The following ABCC6 variants were observed in gnomAD, a reference collection of about 807,000 sequenced individuals.
ABCC6 encodes the protein ATP-binding cassette sub-family C member 6.
A neutral mutation model predicts 169.5 loss-of-function variants in ABCC6; 126 were observed. The observed-to-expected ratio is 0.74, with a 90% CI of 0.64 to 0.86. ABCC6 has a LOEUF of 0.86. Among genes scored for constraint, ABCC6 ranks in the 40% least tolerant of loss-of-function variants. ABCC6 has a pLI of 0.00. For synonymous variants in ABCC6, 752 were observed against 814.7 expected (o/e 0.92, Z 1.31); for missense variants, 1,733 against 1,927.2 (o/e 0.90, Z 1.89).
At position 16,179,180 on chromosome 16, in the gene ABCC6, C is replaced by T. The variant is rs79841284; in HGVS notation, c.2248-215G>A. Among the ~76,000 whole-genome samples the T allele has an allele frequency of 7.2e-3, 1,093 of 152,274 alleles. 14 individuals are homozygous for T. Among genetic ancestry groups the T allele is most frequent in the African/African-American group, 0.025 (1,040 of 41,548 alleles). The stretch of plus-strand genomic sequence containing the variant: ...ACCTCACTTCTCCACTTCCCAAGCA[C>T]GCTTCCTGGAGGAGTTACCTACACT... On this transcript the variant is annotated intron_variant, in intron 17 of 30. Coordinates refer to ENST00000205557, the MANE Select transcript of ABCC6 (RefSeq NM_001171.6).
In ABCC6 at chr16:16,164,824, A is replaced by G. The variant is rs75312463; in HGVS notation, c.3306+799T>C. ...CTTTGCTAACTAGTCCCCAGGTGAT[A>G]CTACTGCTGGTCCTGGGGTCACACT... On this transcript the variant is annotated intron_variant, in intron 23 of 30. Coordinates refer to ENST00000205557, the MANE Select transcript of ABCC6 (RefSeq NM_001171.6). Among the ~76,000 whole-genome samples the G allele has an allele frequency of 3.7e-3, 570 of 152,330 alleles. 12 individuals carry two copies. Among genetic ancestry groups the G allele is most frequent in the African/African-American group, 0.013 (547 of 41,576 alleles).
chr16:16,171,388 T>G (rs1472408331), intron 21 of ABCC6, among the ~76,000 whole-genome samples: 1 of 152,220 alleles, frequency 6.6e-6, no homozygotes, highest in Non-Finnish European at 1.5e-5. Flanking sequence ...CTGATCATTC[T>G]TATTTTCTTT....
chr16:16,178,919 C>A lies in ABCC6; in HGVS notation c.2294G>T (p.Arg765Leu), dbSNP rs67561842. Reference protein sequence around the residue: ...GGQKQRLSLARAVYRKAAVYL... With the variant: ...GGQKQRLSLALAVYRKAAVYL... ...CACAGCTGCCTTTCTGTATACAGCC[C>A]GGGCCAGGCTCAGCCGCTGCTTCTG... is the stretch of plus-strand genomic sequence containing the variant. The change falls in exon 18 of 31, where the codon CGG becomes CTG. Residue 765 changes from arginine (R) to leucine (L), a missense_variant. This residue lies in a region of ABCC6 where 1,601 missense variants were observed against 1,635.5 expected (regional missense o/e 0.98). Coordinates refer to ENST00000205557, the MANE Select transcript of ABCC6 (RefSeq NM_001171.6). The A allele has an allele frequency of 3.1e-6, 5 of 1,613,546 alleles. No homozygotes were observed. Among genetic ancestry groups the A allele is most frequent in the Non-Finnish European group, 4.2e-6 (5 of 1,180,016 alleles).
At position 16,177,321 on chromosome 16, in the gene ABCC6, T is replaced by C. The variant is rs2152249496; in HGVS notation, c.2590+131A>G. On this transcript the variant is annotated intron_variant, in intron 19 of 30. Transcript: ENST00000205557. The stretch of plus-strand genomic sequence containing the variant: ...AAGGTGACCTATTAAGAGAGCTGTC[T>C]GCTTCCAGGCCTAGGCCTGCAGACA... 2.9e-6 allele frequency: 3 copies of C among 1,030,604 alleles called. No homozygotes were observed. The South Asian group carries it at 3.8e-5, about 13-fold the overall frequency. 63.8% of individuals were successfully genotyped at this position (1,030,604 alleles called of 1,614,324 possible). A position where few individuals can be genotyped will look rare whatever the true frequency, so the allele number is the denominator to read the frequency against.
Position 16,198,133 on chromosome 16 carries a change from A to G in ABCC6, c.1226T>C (p.Val409Ala), listed in dbSNP as rs1268951953. 3.7e-6 allele frequency: 6 copies of G among 1,611,132 alleles called. No individual in the cohort carries two copies. The highest frequency in any genetic ancestry group is 5.1e-6 in the Non-Finnish European group (6 of 1,178,800). Residue 409 changes from valine to alanine, a missense_variant, in exon 10 of 31, where the codon GTG (valine) becomes GCG (alanine). Transcript: ENST00000205557. ...CACGTCCACGGACACCAGATTGACC[A>G]CATCACCCACCGCACTGGCCTTTCT... Reference protein sequence around the residue: ...GSRKASAVGDVVNLVSVDVQR... With the variant: ...GSRKASAVGDAVNLVSVDVQR...
At chr16:16,159,713 C>T (rs2238470) in intron 25 of ABCC6, 130 bp from the exon 26 acceptor site, 203,005 of 776,914 alleles carry the variant, frequency 0.26, 30,512 homozygotes, top group South Asian at 0.49. Context: ...AGGAATGGGA[C>T]AGTCTGAGGA....
rs539820701 is a variant in ABCC6, at chr16:16,173,337, C to T, written c.2734G>A (p.Asp912Asn). ...SEAQTEVPLDDPDRAGWPAGK... is the reference protein window; with the variant it reads ...SEAQTEVPLDNPDRAGWPAGK... ...GCTGGCCATCCTGCCCTGTCAGGGT[C>T]ATCCAGAGGAACCTCTGTCTGGGCT... Residue 912 changes from aspartate (D) to asparagine (N), a missense_variant, in exon 21 of 31, where the codon GAC becomes AAC. Around this residue, in one of 5 missense-constraint regions of ABCC6, gnomAD observed 1,601 missense variants for 1,635.5 expected, o/e 0.98. Coordinates refer to ENST00000205557, the MANE Select transcript of ABCC6 (RefSeq NM_001171.6). The T allele has an allele frequency of 6.2e-7, 1 of 1,614,062 alleles. No homozygotes were observed. The highest frequency in any genetic ancestry group is 2.2e-5 in the East Asian group (1 of 44,868).
rs541172905 is a variant in ABCC6, at chr16:16,163,748, G to A, written c.3307-556C>T. On this transcript the variant is annotated intron_variant, in intron 23 of 30. Transcript: ENST00000205557. Reference sequence around the variant, plus strand: ...GGTGCAGCTGGCAGACAGGCAGGCAGGGAGGAACTGAATTTGCTGAACACC... The same window carrying A: ...GGTGCAGCTGGCAGACAGGCAGGCAAGGAGGAACTGAATTTGCTGAACACC... 2.0e-5 allele frequency among the ~76,000 whole-genome samples: 3 copies of A among 152,292 alleles called. No individual in the cohort carries two copies. The South Asian group carries it at 6.2e-4, about 32-fold the overall frequency.
chr16:16,190,502 T>C (rs1344497971), intron 11 of ABCC6, 135 bp from the exon 12 acceptor site: 2 of 923,954 alleles, frequency 2.2e-6, no homozygotes, highest in African/African-American at 1.6e-5. Flanking sequence ...TCTCAGCACC[T>C]CTGACCCTCA....
At position 16,159,513 on chromosome 16, in the gene ABCC6, C is replaced by T. The variant is rs138700741; in HGVS notation, c.3704G>A (p.Arg1235Gln). ...DLENSIVSVE[R>Q]MQDYAWTPKE... Reference sequence around the variant, plus strand: ...GGGCGTCCAGGCATAGTCCTGCATCCGCTCCACTGACACGATGCTGTTCTC... The same window carrying T: ...GGGCGTCCAGGCATAGTCCTGCATCTGCTCCACTGACACGATGCTGTTCTC... Residue 1235 changes from arginine (R) to glutamine (Q), a missense_variant, in exon 26 of 31, where the codon CGG becomes CAG. Arg to Gln is a conservative substitution (Grantham distance 43, BLOSUM62 1). Transcript: ENST00000205557. The T allele has an allele frequency of 4.5e-5, 73 of 1,613,994 alleles. No individual in the cohort carries two copies. The highest frequency in any genetic ancestry group is 1.1e-4 in the African/African-American group (8 of 74,912).
chr16:16,168,399 T>C (rs961056645), intron 22 of ABCC6, among the ~76,000 whole-genome samples: 1 of 121,032 alleles, frequency 8.3e-6, no homozygotes, highest in Non-Finnish European at 1.9e-5. Flanking sequence ...GGTGGGAGGA[T>C]TGCTTGAGCC....
At chr16:16,185,769 A>G (rs567279909) in intron 14 of ABCC6, among the ~76,000 whole-genome samples, 2 of 132,106 alleles carry the variant, frequency 1.5e-5, no homozygotes, top group African/African-American at 4.9e-5. Flanking sequence ...TGGATGACGG[A>G]GTAAGACTGT....
chr16:16,165,953 A>G lies in ABCC6; in HGVS notation c.2996-20T>C, dbSNP rs1442718650. 3 of 1,611,106 alleles carry G rather than the reference A, an allele frequency of 1.9e-6. No homozygotes were observed. Among genetic ancestry groups the G allele is most frequent in the Non-Finnish European group, 2.5e-6 (3 of 1,179,248 alleles). On this transcript the variant is annotated intron_variant, in intron 22 of 30. Transcript: ENST00000205557. Reference sequence around the variant, plus strand: ...CAATGGCTGGGGAGGGAGAGGAGGTAAGAGCATGAGGGCTGGAGACCCTCA... The same window carrying G: ...CAATGGCTGGGGAGGGAGAGGAGGTGAGAGCATGAGGGCTGGAGACCCTCA...
At chr16:16,177,316 C>A in intron 19 of ABCC6, 136 bp downstream of exon 19, 1 of 955,826 alleles carries the variant, frequency 1.0e-6, no homozygotes, top group Non-Finnish European at 1.7e-6. Context: ...ATTAAGAGAG[C>A]TGTCTGCTTC....
chr16:16,188,443 G>A, intron 13 of ABCC6, among the ~76,000 whole-genome samples: 1 of 152,210 alleles, frequency 6.6e-6, no homozygotes, highest in African/African-American at 2.4e-5. Flanking sequence ...GATGGCTCAG[G>A]TATGCCGCCG....
At chr16:16,170,919 CAAAAAA>C (rs1220574453) in intron 21 of ABCC6, among the ~76,000 whole-genome samples, 40 of 22,314 alleles carry the variant, frequency 1.8e-3, no homozygotes, top group African/African-American at 6.3e-3. Context: ...AACTCTGTCT[CAAAAAA>C]AAAAAAAAAA....
At chr16:16,212,957 G>C (rs911973705) in intron 5 of ABCC6, among the ~76,000 whole-genome samples, 1 of 152,008 alleles carries the variant, frequency 6.6e-6, no homozygotes, top group Non-Finnish European at 1.5e-5. Context: ...CCAATAAGGC[G>C]TGAAGGTGCC....
In ABCC6 at chr16:16,159,543, T is replaced by C; in HGVS notation, c.3674A>G (p.Asp1225Gly). Residue 1225 changes from aspartate to glycine, a missense_variant, in exon 26 of 31, where the codon GAC becomes GGC. Transcript: ENST00000205557. ...CACTGACACGATGCTGTTCTCTAGG[T>C]CTGTCCAGTTGCGAACAACCCACTG... is the stretch of plus-strand genomic sequence containing the variant. ...TLQWVVRNWT[D>G]LENSIVSVER... The C allele has an allele frequency of 6.2e-7, 1 of 1,614,130 alleles. No individual in the cohort carries two copies. Among genetic ancestry groups the C allele is most frequent in the Middle Eastern group, 1.6e-4 (1 of 6,062 alleles).
At chr16:16,152,933 G>A (rs913235789) in intron 29 of ABCC6, among the ~76,000 whole-genome samples, 2 of 151,552 alleles carry the variant, frequency 1.3e-5, no homozygotes, top group Admixed American at 6.6e-5. Flanking sequence ...GTCTTACTCT[G>A]TCACCCAGGC....
Sources: gnomAD v4.1 joint callset for allele counts (sites outside exome capture counted in the v4.1 genomes callset) on GRCh38, gnomAD v4.1.1 for gene constraint, gnomAD v4.1.1 regional missense constraint, MANE v1.5 for transcripts, NCBI Gene and HGNC (gene_info 2026-07-23, HGNC 2026-07-21) for gene names.